PCDHA6: variants seen among roughly 807,000 people sequenced by gnomAD.
PCDHA6 encodes protocadherin alpha 6.
Under a neutral mutation model 60.3 loss-of-function variants are expected in PCDHA6, and 55 were observed. The observed-to-expected ratio is 0.91, with a 90% confidence interval of 0.73 to 1.14. The LOEUF (loss-of-function observed/expected upper bound fraction) is 1.14. PCDHA6 is among the 50% of genes most tolerant of loss of function. The pLI is 0.00. For synonymous variants in PCDHA6, 652 were observed against 557.9 expected, an observed-to-expected ratio of 1.17 and a Z score of -2.38; for missense variants, 1,327 against 1,256.5, an observed-to-expected ratio of 1.06 and a Z score of -0.85.
At chr5:140,851,653 A>G (rs1438249700) in intron 1 of PCDHA6, 1 of 911,018 alleles carries the variant, frequency 1.1e-6, no homozygotes, top group Non-Finnish European at 1.3e-6. Flanking sequence ...TCAAGAAGAC[A>G]TTCTCCTTTT....
At chr5:140,913,503 T>G (rs1334607884) in intron 1 of PCDHA6, among the ~76,000 whole-genome samples, 6 of 152,182 alleles carry the variant, frequency 3.9e-5, no homozygotes, top group African/African-American at 1.4e-4. Context: ...GTTTAAAACT[T>G]TGTCAATTTT....
At chr5:140,876,262 C>T (rs1554168436) in intron 1 of PCDHA6, 2 of 1,614,012 alleles carry the variant, frequency 1.2e-6, no homozygotes, top group South Asian at 2.2e-5. Context: ...AGTGATCCAA[C>T]TAAATGCTTC....
chr5:140,894,675 A>G lies in PCDHA6; in HGVS notation c.2394+64190A>G, dbSNP rs78197412. Reference sequence around the variant, plus strand: ...CTAATTCTGATTTGTGTATTCTTGCATAGCTTTTCATTATTTTCTAAAAAT... The same window carrying G: ...CTAATTCTGATTTGTGTATTCTTGCGTAGCTTTTCATTATTTTCTAAAAAT... On this transcript the variant is annotated intron_variant, in intron 1 of 3. Coordinates refer to ENST00000529310, the MANE Select transcript of PCDHA6 (RefSeq NM_018909.4). 4.6e-3 allele frequency among the ~76,000 whole-genome samples: 702 copies of G among 151,998 alleles called. 3 individuals carry two copies. The highest frequency in any genetic ancestry group is 0.016 in the African/African-American group (679 of 41,480).
chr5:140,963,543 T>C (rs1390082859), intron 1 of PCDHA6, among the ~76,000 whole-genome samples: 2 of 152,238 alleles, frequency 1.3e-5, no homozygotes, highest in East Asian at 1.9e-4. Flanking sequence ...TACTTCATGA[T>C]ATAAAAAGGG....
chr5:140,926,181 C>T (rs1298109352), intron 1 of PCDHA6, among the ~76,000 whole-genome samples: 7 of 151,718 alleles, frequency 4.6e-5, no homozygotes, highest in Admixed American at 2.6e-4. Context: ...GCGGAAAGCC[C>T]CCCGCAGCAC....
intron 1 of PCDHA6, among the ~76,000 whole-genome samples, chr5:140,952,614 T>C (rs1381315866): frequency 6.6e-6 from 1 of 152,170 alleles, no homozygotes; most frequent in African/African-American, 2.4e-5. Flanking sequence ...CTCTCCCTCA[T>C]CTTCCCTCCA....
intron 1 of PCDHA6, chr5:140,856,880 T>TA: frequency 6.3e-7 from 1 of 1,594,256 alleles, no homozygotes; most frequent in Non-Finnish European, 8.6e-7. Flanking sequence ...GGAAATGATG[T>TA]ATTCATTTAG....
At position 140,842,490 on chromosome 5, in the gene PCDHA6, T is replaced by C. The variant is rs2150337276; in HGVS notation, c.2394+12005T>C. The C allele has an allele frequency of 9.9e-6, 16 of 1,613,892 alleles. No homozygotes were observed. In the South Asian group the frequency reaches 1.6e-4, roughly 17 times the overall value. On this transcript the variant is annotated intron_variant, in intron 1 of 3. Transcript: ENST00000529310. ...AACGGGCAGGTGACCTGCTCCCTGA[T>C]GCCCCATGTCCCCTTCAAGCTGGTG... is the stretch of plus-strand genomic sequence containing the variant.
At position 140,829,400 on chromosome 5, in the gene PCDHA6, G is replaced by T. The variant is rs2150167159; in HGVS notation, c.1309G>T (p.Ala437Ser). ...ARDGGSPSLW[A>S]TASLSVEVAD... The stretch of plus-strand genomic sequence containing the variant: ...GGACGGGGGCTCGCCTTCGCTGTGG[G>T]CCACCGCCAGCTTGTCTGTGGAGGT... The change falls in exon 1 of 4, where the codon GCC becomes TCC. Residue 437 changes from alanine (A) to serine (S), a missense_variant. By Grantham distance (99) the Ala-to-Ser change is moderately conservative. Transcript: ENST00000529310. 1 of 1,614,056 alleles carries T rather than the reference G, an allele frequency of 6.2e-7. No homozygotes were observed. Among genetic ancestry groups the T allele is most frequent in the East Asian group, 2.2e-5 (1 of 44,878 alleles).
In PCDHA6 at chr5:140,829,866, C is replaced by G. The variant is rs180987045; in HGVS notation, c.1775C>G (p.Ala592Gly). The change falls in exon 1 of 4, where the codon GCG (alanine) becomes GGG (glycine). Residue 592 changes from alanine (A) to glycine (G), a missense_variant. By Grantham distance (60) the Ala-to-Gly change is moderately conservative. Transcript: ENST00000529310. ...PRSLGAGQVV[A>G]KVRAVDADSG... ...TCACTGGGTGCAGGCCAAGTGGTGG[C>G]GAAGGTGCGCGCAGTTGACGCCGAC... 3.8e-5 allele frequency: 61 copies of G among 1,613,892 alleles called. No individual in the cohort carries two copies. The highest frequency in any genetic ancestry group is 4.4e-5 in the Non-Finnish European group (52 of 1,179,870).
chr5:140,839,771 G>C (rs1190836066), intron 1 of PCDHA6, among the ~76,000 whole-genome samples: 1 of 151,892 alleles, frequency 6.6e-6, no homozygotes, highest in Non-Finnish European at 1.5e-5. Context: ...TACGTTTTTG[G>C]TAAGAATTTT....
chr5:140,875,989 A>G (rs782628581), intron 1 of PCDHA6: 1 of 1,613,992 alleles, frequency 6.2e-7, no homozygotes, highest in South Asian at 1.1e-5. Flanking sequence ...CTATGCGTTA[A>G]GTCTAAATGA....
chr5:140,858,167 A>G, intron 1 of PCDHA6: 2 of 1,597,724 alleles, frequency 1.3e-6, no homozygotes, highest in Non-Finnish European at 1.7e-6. Flanking sequence ...CGCGGTGTCC[A>G]GCTTGCTGGT....
chr5:140,836,498 C>T lies in PCDHA6; in HGVS notation c.2394+6013C>T. Reference sequence around the variant, plus strand: ...ACGTGTACCTGATCATCGCCATCTGCGCGGTGTCCAGTCTGTTGGTGCTTA... The same window carrying T: ...ACGTGTACCTGATCATCGCCATCTGTGCGGTGTCCAGTCTGTTGGTGCTTA... On this transcript the variant is annotated intron_variant, in intron 1 of 3. Transcript: ENST00000529310. The T allele has an allele frequency of 1.9e-6, 3 of 1,613,896 alleles. No homozygotes were observed. In the South Asian group the frequency reaches 3.3e-5, roughly 18 times the overall value.
At chr5:140,981,327 A>C (rs1330138417) in intron 2 of PCDHA6, among the ~76,000 whole-genome samples, 1 of 152,196 alleles carries the variant, frequency 6.6e-6, no homozygotes, top group Non-Finnish European at 1.5e-5. Context: ...TAATCCCAGC[A>C]CTTTGGGAGG....
At chr5:140,901,941 T>C (rs1350790379) in intron 1 of PCDHA6, among the ~76,000 whole-genome samples, 3 of 152,110 alleles carry the variant, frequency 2.0e-5, no homozygotes, top group African/African-American at 7.2e-5. Flanking sequence ...CTAGGTATAT[T>C]TAGTTTTATT....
chr5:140,993,528 A>G (rs78672098), intron 3 of PCDHA6, among the ~76,000 whole-genome samples: 1 of 151,976 alleles, frequency 6.6e-6, no homozygotes, highest in Admixed American at 6.6e-5. Context: ...AGAGACAGAG[A>G]GAGAGAGAGA....
chr5:140,966,852 T>C, intron 1 of PCDHA6: 1 of 1,572,518 alleles, frequency 6.4e-7, no homozygotes, highest in South Asian at 1.1e-5. Flanking sequence ...CTGCCTCTCC[T>C]GCTGCTGTTG....
At chr5:140,876,394 C>T in intron 1 of PCDHA6, 1 of 1,613,826 alleles carries the variant, frequency 6.2e-7, no homozygotes, top group Non-Finnish European at 8.5e-7. Flanking sequence ...TTATGGTGAA[C>T]TGGATTTTGA....
Sources: gnomAD v4.1 joint callset for allele counts (sites outside exome capture counted in the v4.1 genomes callset) on GRCh38, gnomAD v4.1.1 for gene constraint, MANE v1.5 for transcripts, NCBI Gene and HGNC (gene_info 2026-07-23, HGNC 2026-07-21) for gene names.